SEZ6L: variants seen among roughly 807,000 people sequenced by gnomAD.
SEZ6L encodes the protein seizure related 6 homolog like, also known as seizure 6-like protein.
In SEZ6L, 37 loss-of-function variants were observed where a neutral mutation model predicts 106.2. The ratio of observed to expected loss-of-function variants is 0.35; its 90% CI spans 0.27 to 0.46. The LOEUF is 0.46. SEZ6L is among the 20% of genes least tolerant of loss of function. The pLI, the probability that SEZ6L is intolerant of heterozygous loss-of-function variation, is 1.00. For synonymous variants in SEZ6L, 541 were observed against 570.4 expected (o/e 0.95, Z 0.73); for missense variants, 1,172 against 1,332.8 (o/e 0.88, Z 1.88).
At chr22:26,281,539 T>C (rs2145859811) in intron 1 of SEZ6L, among the ~76,000 whole-genome samples, 1 of 148,268 alleles carries the variant, frequency 6.7e-6, no homozygotes, top group Non-Finnish European at 1.5e-5. Context: ...CATGGCCGGC[T>C]ACTTTTTTTA....
chr22:26,320,200 A>G (rs1555057), intron 9 of SEZ6L, among the ~76,000 whole-genome samples: 76,812 of 151,892 alleles, frequency 0.51, 19,808 homozygotes, highest in South Asian at 0.68. Context: ...GGGGACTTCA[A>G]GGTCCCCCAA....
chr22:26,383,000 G>C lies in SEZ6L; in HGVS notation c.*2705G>C, dbSNP rs937197153. On this transcript the variant is annotated 3_prime_UTR_variant, in exon 17 of 17. Coordinates refer to ENST00000248933, the MANE Select transcript of SEZ6L (RefSeq NM_021115.5). ...ATGCTAATTCATATAAGCTGTATCTGTCAGCTACCACCCTGTGCTTTAAAA... is the reference window on the plus strand; with the variant it reads ...ATGCTAATTCATATAAGCTGTATCTCTCAGCTACCACCCTGTGCTTTAAAA... 5 of 150,664 alleles carry C rather than the reference G, an allele frequency of 3.3e-5. No homozygotes were observed. Among genetic ancestry groups the C allele is most frequent in the African/African-American group, 7.3e-5 (3 of 40,930 alleles). The allele number at this position is 150,664 out of a possible 1,614,324, so 9.3% of individuals were successfully genotyped here. A position where few individuals can be genotyped will look rare whatever the true frequency, so the allele number is the denominator to read the frequency against.
chr22:26,260,036 T>G (rs951637201), intron 1 of SEZ6L, among the ~76,000 whole-genome samples: 1 of 152,232 alleles, frequency 6.6e-6, no homozygotes, highest in Non-Finnish European at 1.5e-5. Context: ...CTTAGGGTTA[T>G]TATTAATCTA....
Position 26,217,193 on chromosome 22 carries a change from G to A in SEZ6L, c.94+47430G>A, listed in dbSNP as rs1419963470. ...ACAGTGCTAGTAGGTAGCAGAGCTG[G>A]GACCCCAGAATGCCCCATTCTTCCC... is the stretch of plus-strand genomic sequence containing the variant. On this transcript the variant is annotated intron_variant, in intron 1 of 16. Coordinates refer to ENST00000248933, the MANE Select transcript of SEZ6L (RefSeq NM_021115.5). Among the ~76,000 whole-genome samples, 4 of 152,144 alleles carry A rather than the reference G, an allele frequency of 2.6e-5. No individual in the cohort carries two copies. In the East Asian group the frequency reaches 7.7e-4, roughly 29 times the overall value.
intron 1 of SEZ6L, among the ~76,000 whole-genome samples, chr22:26,246,152 C>T (rs1161946112): frequency 6.6e-6 from 1 of 152,198 alleles, no homozygotes; most frequent in Non-Finnish European, 1.5e-5. Flanking sequence ...TTGACCAAAT[C>T]TCCTCTCCTT....
rs757553456 is a variant in SEZ6L, at chr22:26,365,532, A to G, written c.2760A>G (p.Pro920=). 1.2e-6 allele frequency: 2 copies of G among 1,614,132 alleles called. No homozygotes were observed. Among genetic ancestry groups the G allele is most frequent in the South Asian group, 1.1e-5 (1 of 91,086 alleles). The change falls in exon 13 of 17, where the codon CCA becomes CCG. Residue 920 remains proline (P), a synonymous_variant. Transcript: ENST00000248933. ...EVTIRCILGQ[P]SHWNGPLPVC... is the part of the protein sequence containing the mutation. ...CCATCCGCTGCATCCTGGGACAGCC[A>G]TCCCACTGGAACGGGCCCCTGCCCG...
chr22:26,185,843 T>C (rs17372061), intron 1 of SEZ6L, among the ~76,000 whole-genome samples: 1 of 152,140 alleles, frequency 6.6e-6, no homozygotes, highest in Non-Finnish European at 1.5e-5. Flanking sequence ...AGTAAGATCC[T>C]GCATGCATAT....
intron 1 of SEZ6L, among the ~76,000 whole-genome samples, chr22:26,247,998 C>A (rs181869054): frequency 2.6e-5 from 4 of 152,144 alleles, no homozygotes; most frequent in Non-Finnish European, 1.5e-5. Flanking sequence ...CAGGCAGTCA[C>A]CTGACTCTAA....
At chr22:26,186,138 G>A (rs918905874) in intron 1 of SEZ6L, among the ~76,000 whole-genome samples, 4 of 151,822 alleles carry the variant, frequency 2.6e-5, no homozygotes, top group African/African-American at 7.3e-5. Context: ...CCTCCTTTCC[G>A]CTCCTACACT....
chr22:26,367,617 T>A (rs574139526), intron 13 of SEZ6L, among the ~76,000 whole-genome samples: 3 of 152,268 alleles, frequency 2.0e-5, no homozygotes, highest in African/African-American at 7.2e-5. Flanking sequence ...GTGCTGGGAT[T>A]ACCGCATCTG....
rs192274522 is a variant in SEZ6L at position 26,308,127 on chromosome 22, G to A, written c.1514+1983G>A. Among the ~76,000 whole-genome samples, 60 of 152,268 alleles carry A rather than the reference G, an allele frequency of 3.9e-4. 1 individual carries two copies. The highest frequency in any genetic ancestry group is 1.9e-3 in the East Asian group (10 of 5,184). On this transcript the variant is annotated intron_variant, in intron 6 of 16. Transcript: ENST00000248933. ...ATGTCTGTCCCATGTACTTTATTGA[G>A]GGGGAAATGGCTAAAATACCACAAT...
chr22:26,291,366 C>A (rs1403573455), intron 1 of SEZ6L, among the ~76,000 whole-genome samples: 1 of 152,100 alleles, frequency 6.6e-6, no homozygotes, highest in Non-Finnish European at 1.5e-5. Context: ...CACATGTTCT[C>A]ACTTATAAGT....
In SEZ6L at chr22:26,221,740, G is replaced by GCACACACA. The variant is rs3222745; in HGVS notation, c.94+52003_94+52010dup. Among the ~76,000 whole-genome samples the GCACACACA allele has an allele frequency of 8.7e-3, 1,307 of 149,384 alleles. 11 individuals are homozygous for GCACACACA. Among genetic ancestry groups the GCACACACA allele is most frequent in the Admixed American group, 0.017 (250 of 14,998 alleles). On this transcript the variant is annotated intron_variant, in intron 1 of 16. Coordinates refer to ENST00000248933, the MANE Select transcript of SEZ6L (RefSeq NM_021115.5). ...TGAATTCATGCGCGTGCACACGCGT[G>GCACACACA]CACACACACACACACACACACACAC...
At chr22:26,296,207 T>A (rs1167555191) in intron 3 of SEZ6L, among the ~76,000 whole-genome samples, 1 of 151,996 alleles carries the variant, frequency 6.6e-6, no homozygotes, top group Non-Finnish European at 1.5e-5. Flanking sequence ...TCCCACAGAG[T>A]GTAAATGGCA....
At chr22:26,312,859 C>T (rs1036030631) in intron 8 of SEZ6L, among the ~76,000 whole-genome samples, 25 of 152,198 alleles carry the variant, frequency 1.6e-4, no homozygotes, top group African/African-American at 5.8e-4. Context: ...CATGAGCCAT[C>T]GCACCTGGCC....
At chr22:26,300,216 CA>C (rs2081411529) in intron 5 of SEZ6L, among the ~76,000 whole-genome samples, 1 of 152,094 alleles carries the variant, frequency 6.6e-6, no homozygotes, top group Non-Finnish European at 1.5e-5. Context: ...AGGTTTGTTA[CA>C]TATGTATACA....
intron 1 of SEZ6L, among the ~76,000 whole-genome samples, chr22:26,269,433 G>A (rs2080291404): frequency 6.6e-6 from 1 of 152,186 alleles, no homozygotes; most frequent in Non-Finnish European, 1.5e-5. Context: ...CCTAGAGCAG[G>A]AGTGGGAGAA....
At chr22:26,371,669 GA>G (rs11367707) in intron 13 of SEZ6L, among the ~76,000 whole-genome samples, 8,217 of 147,806 alleles carry the variant, frequency 0.056, 758 homozygotes, top group African/African-American at 0.19. Flanking sequence ...ACAAAAAAAG[GA>G]AAAAAAAAAC....
At position 26,296,904 on chromosome 22, in the gene SEZ6L, T is replaced by A; in HGVS notation, c.986T>A (p.Leu329Gln). The A allele has an allele frequency of 6.2e-7, 1 of 1,609,240 alleles. No individual in the cohort carries two copies. The highest frequency in any genetic ancestry group is 1.3e-5 in the African/African-American group (1 of 74,898). ...TGTTCCCAGGTGAAGAGTGTGAACC[T>A]GTCCGATGGGGAACTGCTCTCCATC... ...GVELQVKSVN[L>Q]SDGELLSIRG... is the part of the protein sequence containing the mutation. Residue 329 changes from leucine (L) to glutamine (Q), a missense_variant, in exon 4 of 17, where the codon CTG becomes CAG. Coordinates refer to ENST00000248933, the MANE Select transcript of SEZ6L (RefSeq NM_021115.5).
Sources: allele counts gnomAD v4.1 joint callset (sites outside exome capture counted in the v4.1 genomes callset), GRCh38; gene constraint gnomAD v4.1.1; transcripts MANE v1.5; gene names NCBI Gene and HGNC (gene_info 2026-07-23, HGNC 2026-07-21).